Variants in GATA3 observed in about 807,000 individuals in gnomAD.
GATA3 encodes the protein trans-acting T-cell-specific transcription factor GATA-3.
Under a neutral mutation model 36.0 loss-of-function variants are expected in GATA3, and 6 were observed. That is an observed-to-expected ratio of 0.17 (90% CI 0.09 to 0.33). The LOEUF is 0.33. Ranked by LOEUF, GATA3 falls within the 10% of genes least tolerant of loss-of-function variation. GATA3 has a pLI of 1.00. For synonymous variants in GATA3, 326 were observed against 273.0 expected (o/e 1.19, Z -1.92); for missense variants, 514 against 610.1 (o/e 0.84, Z 1.66).
intron 4 of GATA3, among the ~76,000 whole-genome samples, chr10:8,067,188 C>T (rs143950332): frequency 9.4e-4 from 143 of 152,198 alleles, no homozygotes; most frequent in Non-Finnish European, 1.7e-3. Flanking sequence ...TAAAGGCAGT[C>T]GGGCAGAGGC....
At chr10:8,066,610 C>T (rs1172779255) in intron 4 of GATA3, among the ~76,000 whole-genome samples, 1 of 152,132 alleles carries the variant, frequency 6.6e-6, no homozygotes, top group Non-Finnish European at 1.5e-5. Flanking sequence ...CCATATATAG[C>T]TAGCTCTTCT....
intron 2 of GATA3, among the ~76,000 whole-genome samples, chr10:8,056,227 G>T (rs1206771642): frequency 1.3e-5 from 2 of 152,226 alleles, no homozygotes; most frequent in African/African-American, 4.8e-5. Context: ...CCCCAAGCGC[G>T]GGGTGCCCTG....
At chr10:8,060,025 G>T (rs550463146) in intron 3 of GATA3, among the ~76,000 whole-genome samples, 2 of 152,192 alleles carry the variant, frequency 1.3e-5, no homozygotes, top group Non-Finnish European at 2.9e-5. Flanking sequence ...TTGAAACCGA[G>T]CTCCCAAAGC....
intron 4 of GATA3, among the ~76,000 whole-genome samples, chr10:8,069,049 A>G (rs1410021165): frequency 4.6e-5 from 7 of 152,228 alleles, no homozygotes; most frequent in African/African-American, 1.7e-4. Flanking sequence ...TTGTGTTTGA[A>G]AACAACCTCT....
chr10:8,055,551 C>T lies in GATA3; in HGVS notation c.-105C>T. 1 of 1,335,970 alleles carries T rather than the reference C, an allele frequency of 7.5e-7. No individual in the cohort carries two copies. Among genetic ancestry groups the T allele is most frequent in the East Asian group, 2.5e-5 (1 of 39,612 alleles). 82.8% of individuals were successfully genotyped at this position (1,335,970 alleles called of 1,614,324 possible). On this transcript the variant is annotated 5_prime_UTR_variant, in exon 2 of 6. Transcript: ENST00000379328. The surrounding 1 kb of genome is among the most constrained non-coding windows in gnomAD (Gnocchi z 5.4). ...CCGAAAGCAAATCATTCAACGACCC[C>T]CGACCCTCCGACGGCAGGAGCCCCC...
chr10:8,050,061 T>A (rs116075109), upstream of GATA3, among the ~76,000 whole-genome samples: 74 of 152,230 alleles, frequency 4.9e-4, no homozygotes, highest in African/African-American at 1.8e-3. Flanking sequence ...CCCGCTTTCA[T>A]CTTGCCCCAG....
At chr10:8,073,350 A>T (rs969606584) in intron 5 of GATA3, among the ~76,000 whole-genome samples, 3 of 152,090 alleles carry the variant, frequency 2.0e-5, no homozygotes, top group African/African-American at 7.2e-5. Context: ...CTAGAGGCTG[A>T]TGGCCTGGGG....
intron 3 of GATA3, among the ~76,000 whole-genome samples, chr10:8,062,401 A>T (rs1471564836): frequency 6.7e-6 from 1 of 150,180 alleles, no homozygotes; most frequent in Middle Eastern, 3.2e-3. Flanking sequence ...GACAAAAACT[A>T]GTGGGCACCA....
chr10:8,065,043 A>G (rs1832812791), intron 4 of GATA3, among the ~76,000 whole-genome samples: 1 of 152,142 alleles, frequency 6.6e-6, no homozygotes, highest in Non-Finnish European at 1.5e-5. Context: ...AGAGATCAAA[A>G]TGCTTTATGT....
In GATA3 at chr10:8,074,505, A is replaced by AC. The variant is rs1832983746; in HGVS notation, c.*482_*483insC. ...CAGTTGTTTGATGCATTAAAAGAAA[A>AC]TAAAAAAAAGAAAAAAGAGAAAAGA... On this transcript the variant is annotated 3_prime_UTR_variant, in exon 6 of 6. Coordinates refer to ENST00000379328, the MANE Select transcript of GATA3 (RefSeq NM_001002295.2). 1 of 235,582 alleles carries AC rather than the reference A, an allele frequency of 4.2e-6. No individual in the cohort carries two copies. The highest frequency in any genetic ancestry group is 2.2e-5 in the African/African-American group (1 of 45,404). 14.6% of individuals were successfully genotyped at this position (235,582 alleles called of 1,614,324 possible). A position where few individuals can be genotyped will look rare whatever the true frequency, so the allele number is the denominator to read the frequency against.
intron 5 of GATA3, among the ~76,000 whole-genome samples, chr10:8,070,607 C>T (rs567592974): frequency 1.2e-4 from 19 of 152,230 alleles, no homozygotes; most frequent in South Asian, 6.2e-4. Flanking sequence ...CTTTTGCTTG[C>T]GGCGGTTCTG....
chr10:8,046,058 C>T (rs900314096), intron 1 of GATA3, among the ~76,000 whole-genome samples: 4 of 152,236 alleles, frequency 2.6e-5, no homozygotes, highest in South Asian at 4.2e-4. Flanking sequence ...GCTAGGGGTC[C>T]GGAGGCTTCT....
In GATA3 at chr10:8,058,444, G is replaced by C. The variant is rs748390189; in HGVS notation, c.381G>C (p.Pro127=). 3 of 1,612,522 alleles carry C rather than the reference G, an allele frequency of 1.9e-6. No individual in the cohort carries two copies. Among genetic ancestry groups the C allele is most frequent in the Non-Finnish European group, 2.5e-6 (3 of 1,179,894 alleles). The part of the protein sequence containing the change: ...FSKTSIHHGS[P]GPLSVYPPAS... ...AGACGTCCATCCACCACGGCTCCCCGGGGCCCCTCTCCGTCTACCCCCCGG... is the reference window on the plus strand; with the variant it reads ...AGACGTCCATCCACCACGGCTCCCCCGGGCCCCTCTCCGTCTACCCCCCGG... The change falls in exon 3 of 6, where the codon CCG becomes CCC. Residue 127 remains proline, a synonymous_variant. Coordinates refer to ENST00000379328, the MANE Select transcript of GATA3 (RefSeq NM_001002295.2).
upstream of GATA3, among the ~76,000 whole-genome samples, chr10:8,050,196 G>A (rs975588897): frequency 1.3e-5 from 2 of 152,258 alleles, no homozygotes; most frequent in South Asian, 2.1e-4. Context: ...TGCGTACTGC[G>A]GCGGGCGCAG....
At chr10:8,051,062 C>T (rs772981663), upstream of GATA3, 1 of 525,994 alleles carries the variant, frequency 1.9e-6, no homozygotes, top group Non-Finnish European at 3.9e-6. Flanking sequence ...CCCAGAAAGC[C>T]GCGCCTCCGC....
intron 5 of GATA3, among the ~76,000 whole-genome samples, chr10:8,073,472 G>T (rs1276409566): frequency 1.3e-5 from 2 of 152,142 alleles, no homozygotes; most frequent in Non-Finnish European, 2.9e-5. Context: ...AAGTTCTAAA[G>T]AAATAAGACA....
At chr10:8,061,850 G>A (rs530422262) in intron 3 of GATA3, among the ~76,000 whole-genome samples, 2 of 152,304 alleles carry the variant, frequency 1.3e-5, no homozygotes, top group Non-Finnish European at 2.9e-5. Context: ...TGGCAACCAC[G>A]CTCCCCGCCT....
chr10:8,075,196 C>A lies in GATA3; in HGVS notation c.*1173C>A, dbSNP rs547107406. 1 of 225,232 alleles carries A rather than the reference C, an allele frequency of 4.4e-6. No individual in the cohort carries two copies. The highest frequency in any genetic ancestry group is 6.4e-5 in the East Asian group (1 of 15,748). The allele number at this position is 225,232 out of a possible 1,614,324, so 14.0% of individuals were successfully genotyped here. The stretch of plus-strand genomic sequence containing the variant: ...ATAATAAAGTGAAAATATTTTAAAA[C>A]TACAAAATGACATCGTATCCACGTG... On this transcript the variant is annotated 3_prime_UTR_variant, in exon 6 of 6. Coordinates refer to ENST00000379328, the MANE Select transcript of GATA3 (RefSeq NM_001002295.2).
Position 8,058,299 on chromosome 10 carries a change from C to A in GATA3, c.242-6C>A, listed in dbSNP as rs1392811028. ...TCTCTCCTGCCCTTTCCCCGTTGCCCCACAGGGAGCCAGGTGTGCCGCCCG... is the reference window on the plus strand; with the variant it reads ...TCTCTCCTGCCCTTTCCCCGTTGCCACACAGGGAGCCAGGTGTGCCGCCCG... On this transcript the variant is annotated splice_polypyrimidine_tract_variant and splice_region_variant and intron_variant, in intron 2 of 5. Coordinates refer to ENST00000379328, the MANE Select transcript of GATA3 (RefSeq NM_001002295.2). 1 of 1,613,586 alleles carries A rather than the reference C, an allele frequency of 6.2e-7. No individual in the cohort carries two copies. The highest frequency in any genetic ancestry group is 1.7e-5 in the Admixed American group (1 of 60,028).
Sources: gnomAD v4.1 joint callset for allele counts (sites outside exome capture counted in the v4.1 genomes callset) on GRCh38, gnomAD v4.1.1 for gene constraint, Gnocchi (gnomAD v3.1) non-coding constraint, MANE v1.5 for transcripts, NCBI Gene and HGNC (gene_info 2026-07-23, HGNC 2026-07-21) for gene names.